The following SMOC1 variants were observed in gnomAD, a reference collection of about 807,000 sequenced individuals.
SMOC1 encodes SPARC related modular calcium binding 1.
Under a neutral mutation model 56.3 loss-of-function variants are expected in SMOC1, and 22 were observed. That is an observed-to-expected ratio of 0.39 (90% CI 0.28 to 0.56). The LOEUF (loss-of-function observed/expected upper bound fraction) is 0.56, where lower values mean the gene tolerates loss of function less well. SMOC1 is among the 20% of genes least tolerant of loss of function. SMOC1 has a pLI of 0.61. For synonymous variants in SMOC1, 193 were observed against 215.0 expected, an observed-to-expected ratio of 0.90 and a Z score of 0.89; for missense variants, 509 against 565.4, an observed-to-expected ratio of 0.90 and a Z score of 1.01.
intron 2 of SMOC1, 32 bp downstream of exon 2, chr14:69,952,335 G>A (rs746941197): frequency 4.3e-6 from 7 of 1,612,488 alleles, no homozygotes; most frequent in Non-Finnish European, 3.4e-6. Context: ...CAGCCAAGGA[G>A]AGGTTCCTGG....
chr14:70,003,768 C>T (rs1039365963), intron 7 of SMOC1, among the ~76,000 whole-genome samples: 1 of 152,150 alleles, frequency 6.6e-6, no homozygotes, highest in African/African-American at 2.4e-5. Context: ...CAGGCAGGGC[C>T]TCAGGGAAAG....
At chr14:69,938,619 A>C (rs777778254) in intron 1 of SMOC1, among the ~76,000 whole-genome samples, 10 of 151,852 alleles carry the variant, frequency 6.6e-5, no homozygotes, top group Non-Finnish European at 1.0e-4. Flanking sequence ...CAGGAAGCAC[A>C]CTGGGTGGGG....
intron 1 of SMOC1, chr14:69,885,667 T>C: frequency 1.4e-6 from 2 of 1,451,268 alleles, no homozygotes; most frequent in Non-Finnish European, 1.9e-6. Context: ...CCATGTCGTG[T>C]GAAATCACCA....
chr14:69,927,737 G>A (rs985153621), intron 1 of SMOC1, among the ~76,000 whole-genome samples: 1 of 152,184 alleles, frequency 6.6e-6, no homozygotes, highest in African/African-American at 2.4e-5. Flanking sequence ...ATTGCTTGGG[G>A]GTGGAGACAC....
intron 1 of SMOC1, among the ~76,000 whole-genome samples, chr14:69,884,202 G>A (rs141514017): frequency 4.8e-4 from 73 of 152,262 alleles, no homozygotes; most frequent in African/African-American, 1.4e-3. Flanking sequence ...CACCGCGCCC[G>A]GCCGAGCATT....
intron 1 of SMOC1, among the ~76,000 whole-genome samples, chr14:69,903,004 A>G (rs1057233646): frequency 6.6e-6 from 1 of 152,080 alleles, no homozygotes. Context: ...TTGGCCTCCC[A>G]AAGTGCCTAG....
chr14:69,898,469 T>A (rs571472373), intron 1 of SMOC1, among the ~76,000 whole-genome samples: 1 of 152,274 alleles, frequency 6.6e-6, no homozygotes, highest in Admixed American at 6.5e-5. Flanking sequence ...ATTCTGTTTT[T>A]TTTTTCCAGT....
intron 5 of SMOC1, among the ~76,000 whole-genome samples, chr14:69,989,107 T>G (rs973231918): frequency 1.3e-5 from 2 of 152,222 alleles, no homozygotes; most frequent in Non-Finnish European, 2.9e-5. Flanking sequence ...TTAAAGAGAC[T>G]GTCAAACTCC....
chr14:69,883,923 G>A (rs1286974515), intron 1 of SMOC1, among the ~76,000 whole-genome samples: 3 of 77,002 alleles, frequency 3.9e-5, no homozygotes, highest in African/African-American at 1.2e-4. Context: ...TTTTTGAGAC[G>A]GAGTCTCGCT....
intron 1 of SMOC1, among the ~76,000 whole-genome samples, chr14:69,882,321 G>C (rs1883665077): frequency 6.6e-6 from 1 of 152,140 alleles, no homozygotes; most frequent in Admixed American, 6.5e-5. Flanking sequence ...ATCTTTTCCA[G>C]CTGGCTTTCT....
At chr14:69,911,653 G>A (rs1392792830) in intron 1 of SMOC1, among the ~76,000 whole-genome samples, 2 of 152,192 alleles carry the variant, frequency 1.3e-5, no homozygotes, top group African/African-American at 4.8e-5. Flanking sequence ...TAATGCATTT[G>A]CCATTCATCC....
intron 1 of SMOC1, among the ~76,000 whole-genome samples, chr14:69,931,617 AT>A (rs1219617046): frequency 6.6e-6 from 1 of 152,224 alleles, no homozygotes; most frequent in Non-Finnish European, 1.5e-5. Flanking sequence ...TTTAGGTTGG[AT>A]TTAAGGAAGG....
At chr14:70,029,762 G>A (rs1886069340) in intron 11 of SMOC1, among the ~76,000 whole-genome samples, 1 of 152,174 alleles carries the variant, frequency 6.6e-6, no homozygotes, top group South Asian at 2.1e-4. Flanking sequence ...AGGGGTGAAG[G>A]GATTGGCCAG....
chr14:70,001,770 C>T (rs1461465638), intron 7 of SMOC1, among the ~76,000 whole-genome samples: 1 of 152,212 alleles, frequency 6.6e-6, no homozygotes, highest in African/African-American at 2.4e-5. Context: ...TGCATTTAAT[C>T]TTCACAATGA....
chr14:69,969,768 G>A (rs1299317688), intron 3 of SMOC1, among the ~76,000 whole-genome samples: 2 of 152,204 alleles, frequency 1.3e-5, no homozygotes, highest in Non-Finnish European at 2.9e-5. Context: ...AAGTTCTGCA[G>A]TAAAGAAATC....
At chr14:69,919,550 T>G (rs1433928979) in intron 1 of SMOC1, among the ~76,000 whole-genome samples, 1 of 152,238 alleles carries the variant, frequency 6.6e-6, no homozygotes, top group Non-Finnish European at 1.5e-5. Context: ...TTTTACAAGT[T>G]ATGGACCTGC....
intron 6 of SMOC1, chr14:69,994,099 G>A (rs1238736141): frequency 4.5e-6 from 2 of 445,266 alleles, no homozygotes; most frequent in East Asian, 8.6e-5. Flanking sequence ...GACTTGGCTT[G>A]GCCCATGTTC....
intron 3 of SMOC1, 129 bp from the exon 4 acceptor site, chr14:69,975,586 C>A: frequency 2.7e-6 from 2 of 749,522 alleles, no homozygotes; most frequent in Non-Finnish European, 4.8e-6. Context: ...ACTCTGGAGA[C>A]AGATGTGGGG....
intron 1 of SMOC1, among the ~76,000 whole-genome samples, chr14:69,943,889 GC>G (rs1361445796): frequency 6.6e-6 from 1 of 152,224 alleles, no homozygotes; most frequent in African/African-American, 2.4e-5. Flanking sequence ...TGACAGCAAA[GC>G]CCTTTCTGCC....
Sources: allele counts gnomAD v4.1 joint callset (sites outside exome capture counted in the v4.1 genomes callset), GRCh38; gene constraint gnomAD v4.1.1; transcripts MANE v1.5; gene names NCBI Gene and HGNC (gene_info 2026-07-23, HGNC 2026-07-21).